Variants in RBM47 observed in about 807,000 individuals in gnomAD.
The protein encoded by RBM47 is RNA-binding protein 47.
Under a neutral mutation model 47.1 loss-of-function variants are expected in RBM47, and 21 were observed. The ratio of observed to expected loss-of-function variants is 0.45; its 90% confidence interval spans 0.32 to 0.64. The LOEUF (loss-of-function observed/expected upper bound fraction) is 0.64, where lower values mean the gene tolerates loss of function less well. RBM47 is among the 30% of genes least tolerant of loss of function. The pLI, the probability that RBM47 is intolerant of heterozygous loss-of-function variation, is 0.05. For missense variants in RBM47, 708 were observed against 870.9 expected (o/e 0.81, Z 2.35); for synonymous variants, 375 against 361.7 (o/e 1.04, Z -0.42).
intron 5 of RBM47, among the ~76,000 whole-genome samples, chr4:40,433,920 A>G (rs1444860371): frequency 1.3e-5 from 2 of 149,930 alleles, no homozygotes; most frequent in African/African-American, 4.9e-5. Context: ...AACAGCAGCT[A>G]TTGAATGTCA....
intron 3 of RBM47, among the ~76,000 whole-genome samples, chr4:40,466,204 G>T (rs1441977917): frequency 6.6e-6 from 1 of 150,966 alleles, no homozygotes; most frequent in East Asian, 2.0e-4. Context: ...GGAGGTGAAG[G>T]CTGCAGTGAG....
chr4:40,616,874 C>CTT (rs1300005872), intron 1 of RBM47, among the ~76,000 whole-genome samples: 7,813 of 111,548 alleles, frequency 0.07, 516 homozygotes, highest in African/African-American at 0.13. Flanking sequence ...ATTTTCTTTT[C>CTT]TTTTTTTTTT....
intron 1 of RBM47, among the ~76,000 whole-genome samples, chr4:40,589,227 C>T (rs2154274687): frequency 6.6e-6 from 1 of 151,696 alleles, no homozygotes; most frequent in Admixed American, 6.6e-5. Flanking sequence ...CTTAGCCTCC[C>T]AAAGTCCTGG....
chr4:40,497,022 C>T lies in RBM47; in HGVS notation c.-154-30323G>A, dbSNP rs1036950648. ...CGCCACTGCACTCTAGCCCAGGCAA[C>T]AAGAGCAAAACTCCATCTCAAAAAA... On this transcript the variant is annotated intron_variant, in intron 2 of 6. Coordinates refer to ENST00000295971, the MANE Select transcript of RBM47 (RefSeq NM_001098634.2). 6.2e-4 allele frequency among the ~76,000 whole-genome samples: 61 copies of T among 98,122 alleles called. 1 individual carries two copies. Among genetic ancestry groups the T allele is most frequent in the Non-Finnish European group, 4.0e-5 (2 of 50,098 alleles). 64.4% of individuals were successfully genotyped at this position (98,122 alleles called of 152,430 possible).
intron 2 of RBM47, among the ~76,000 whole-genome samples, chr4:40,518,118 T>A (rs1044954661): frequency 1.3e-5 from 2 of 149,004 alleles, no homozygotes; most frequent in Non-Finnish European, 3.0e-5. Flanking sequence ...AAGATAGCCA[T>A]CAAATCACAC....
In RBM47 at chr4:40,425,952, A is replaced by G. The variant is rs1300994589; in HGVS notation, c.1734T>C (p.Pro578=). Residue 578 remains proline (P), a synonymous_variant, in exon 7 of 7, where the codon CCT becomes CCC. Coordinates refer to ENST00000295971, the MANE Select transcript of RBM47 (RefSeq NM_001098634.2). ...GYAGYIPQAF[P]AAAIQVPIPD... The stretch of plus-strand genomic sequence containing the variant: ...GGATGGGGACCTGAATGGCAGCAGC[A>G]GGGAAGGCCTGAGGTATGTAGCCTG... The G allele has an allele frequency of 5.0e-6, 8 of 1,614,092 alleles. No individual in the cohort carries two copies. The highest frequency in any genetic ancestry group is 1.7e-5 in the Admixed American group (1 of 60,008).
intron 1 of RBM47, among the ~76,000 whole-genome samples, chr4:40,546,525 C>T (rs75336826): frequency 0.016 from 2,385 of 152,224 alleles, 66 homozygotes; most frequent in African/African-American, 0.054. Context: ...TGTCTCATTC[C>T]TGCGATCCCC....
rs35529250 is a variant in RBM47 at position 40,426,074 on chromosome 4, C to T, written c.1612G>A (p.Gly538Arg). The T allele has an allele frequency of 4.7e-3, 7,636 of 1,614,154 alleles. 26 individuals are homozygous for T. Among genetic ancestry groups the T allele is most frequent in the Non-Finnish European group, 5.9e-3 (6,961 of 1,180,022 alleles). ...GCAGCAAATGGCACGTAACTGGCCC[C>T]GTAGATCCCGGCAGTAGGAATTCTC... The part of the protein sequence containing the change: ...VQRIPTAGIY[G>R]ASYVPFAAPA... Residue 538 changes from glycine to arginine, a missense_variant, in exon 7 of 7, where the codon GGG becomes AGG. By Grantham distance (125) the Gly-to-Arg change is moderately radical. Transcript: ENST00000295971.
chr4:40,605,200 T>C (rs577673453), intron 1 of RBM47, among the ~76,000 whole-genome samples: 2 of 150,806 alleles, frequency 1.3e-5, no homozygotes, highest in South Asian at 4.2e-4. Context: ...TTTTTTTGTA[T>C]TTTTAGTAGA....
intron 2 of RBM47, among the ~76,000 whole-genome samples, chr4:40,535,702 A>C (rs1727904748): frequency 6.6e-6 from 1 of 151,866 alleles, no homozygotes; most frequent in Non-Finnish European, 1.5e-5. Flanking sequence ...TGGGATTACC[A>C]GCGCCTGCCA....
At chr4:40,515,542 T>C (rs1725472079) in intron 2 of RBM47, among the ~76,000 whole-genome samples, 1 of 152,076 alleles carries the variant, frequency 6.6e-6, no homozygotes, top group African/African-American at 2.4e-5. Context: ...CCCCACCCAC[T>C]CCTCCAATCC....
intron 1 of RBM47, among the ~76,000 whole-genome samples, chr4:40,573,807 AAAAGAAAGAAAG>A (rs1553903538): frequency 5.9e-5 from 8 of 136,660 alleles, no homozygotes; most frequent in East Asian, 4.3e-4. Flanking sequence ...GAAAGAAAGA[AAAAGAAAGAAAG>A]AAAGAAAGAA....
chr4:40,611,321 C>T (rs551485624), intron 1 of RBM47, among the ~76,000 whole-genome samples: 155 of 152,318 alleles, frequency 1.0e-3, no homozygotes, highest in African/African-American at 3.6e-3. Flanking sequence ...AGCTTCTCAA[C>T]AACCCAGAAT....
intron 1 of RBM47, among the ~76,000 whole-genome samples, chr4:40,575,871 C>T (rs1287395782): frequency 6.6e-6 from 1 of 152,194 alleles, no homozygotes; most frequent in East Asian, 1.9e-4. Context: ...TCACACATTA[C>T]CAAGCTCCTG....
chr4:40,528,957 T>A lies in RBM47; in HGVS notation c.-155+15465A>T, dbSNP rs535576480. ...GACTCCGTCTCAAAAAAAAAATAAA[T>A]AAATAAATAAATAAATAAATAAATA... is the stretch of plus-strand genomic sequence containing the variant. On this transcript the variant is annotated intron_variant, in intron 2 of 6. Coordinates refer to ENST00000295971, the MANE Select transcript of RBM47 (RefSeq NM_001098634.2). 1.0e-3 allele frequency among the ~76,000 whole-genome samples: 149 copies of A among 143,984 alleles called. 1 individual carries two copies. The highest frequency in any genetic ancestry group is 2.0e-3 in the African/African-American group (76 of 38,654). The allele number at this position is 143,984 out of a possible 152,430, so 94.5% of individuals were successfully genotyped here.
intron 1 of RBM47, among the ~76,000 whole-genome samples, chr4:40,603,007 A>C (rs958967360): frequency 5.3e-5 from 8 of 152,128 alleles, no homozygotes; most frequent in African/African-American, 1.7e-4. Context: ...TGAGCAATAT[A>C]GTCAGATCCC....
At chr4:40,484,973 C>A (rs1209573940) in intron 2 of RBM47, among the ~76,000 whole-genome samples, 1 of 152,124 alleles carries the variant, frequency 6.6e-6, no homozygotes, top group Non-Finnish European at 1.5e-5. Flanking sequence ...AAAGCTTATA[C>A]ACAAAGTTTA....
chr4:40,586,942 C>T (rs767537761), intron 1 of RBM47, among the ~76,000 whole-genome samples: 1 of 152,078 alleles, frequency 6.6e-6, no homozygotes. Flanking sequence ...ACCTTGGGCA[C>T]ATCACGTGAT....
chr4:40,461,901 C>G (rs1717197769), intron 3 of RBM47, among the ~76,000 whole-genome samples: 1 of 150,086 alleles, frequency 6.7e-6, no homozygotes, highest in African/African-American at 2.5e-5. Context: ...CACCATTGTA[C>G]TCCAGCCTGG....
Sources: gnomAD v4.1 joint callset for allele counts (sites outside exome capture counted in the v4.1 genomes callset) on GRCh38, gnomAD v4.1.1 for gene constraint, MANE v1.5 for transcripts, NCBI Gene and HGNC (gene_info 2026-07-23, HGNC 2026-07-21) for gene names.